Variants in WWP1 observed in about 807,000 individuals in gnomAD.
WWP1 encodes NEDD4-like E3 ubiquitin-protein ligase WWP1.
A neutral mutation model predicts 130.6 loss-of-function variants in WWP1; 49 were observed. That is an observed-to-expected ratio of 0.38 (90% CI 0.30 to 0.48). The LOEUF (loss-of-function observed/expected upper bound fraction) is 0.48. Among genes scored for constraint, WWP1 ranks in the 20% least tolerant of loss-of-function variants. The pLI, the probability that WWP1 is intolerant of heterozygous loss-of-function variation, is 0.99. For synonymous variants in WWP1, 332 were observed against 367.8 expected (o/e 0.90, Z 1.11); for missense variants, 809 against 1,100.6 (o/e 0.74, Z 3.75).
intron 17 of WWP1, among the ~76,000 whole-genome samples, chr8:86,439,382 G>A (rs1810476973): frequency 6.7e-6 from 1 of 148,452 alleles, no homozygotes; most frequent in South Asian, 2.2e-4. Context: ...TTGTAGAAAT[G>A]AGGGTCTCAC....
chr8:86,360,745 T>A (rs951879702), intron 1 of WWP1, among the ~76,000 whole-genome samples: 2 of 151,982 alleles, frequency 1.3e-5, no homozygotes, highest in Non-Finnish European at 2.9e-5. Flanking sequence ...CCTTGCAGAG[T>A]TGGGGGTATG....
At chr8:86,430,640 A>G (rs778555453) in intron 11 of WWP1, 57 bp from the exon 12 acceptor site, 1 of 1,407,088 alleles carries the variant, frequency 7.1e-7, no homozygotes, top group Non-Finnish European at 9.7e-7. Flanking sequence ...GCTTATTTCT[A>G]CTTTCATATT....
At chr8:86,389,525 G>A (rs561018965) in intron 5 of WWP1, among the ~76,000 whole-genome samples, 1 of 152,338 alleles carries the variant, frequency 6.6e-6, no homozygotes, top group East Asian at 1.9e-4. Flanking sequence ...TCTTAGTACA[G>A]AACAAAATGG....
intron 3 of WWP1, among the ~76,000 whole-genome samples, chr8:86,378,599 C>T (rs1179550774): frequency 1.3e-5 from 2 of 152,094 alleles, no homozygotes; most frequent in Non-Finnish European, 2.9e-5. Flanking sequence ...CTAACTAGAA[C>T]AACTTTTTGA....
chr8:86,432,383 A>G (rs1200078874), intron 14 of WWP1, among the ~76,000 whole-genome samples: 2 of 151,980 alleles, frequency 1.3e-5, no homozygotes, highest in Non-Finnish European at 2.9e-5. Flanking sequence ...ATGAACTGTC[A>G]TTGTTATTAT....
In WWP1 at chr8:86,425,328, C is replaced by T. The variant is rs1429993413; in HGVS notation, c.1157+10C>T. 1 of 1,588,734 alleles carries T rather than the reference C, an allele frequency of 6.3e-7. No individual in the cohort carries two copies. Among genetic ancestry groups the T allele is most frequent in the South Asian group, 1.1e-5 (1 of 88,026 alleles). On this transcript the variant is annotated intron_variant, in intron 10 of 24. Coordinates refer to ENST00000517970, the MANE Select transcript of WWP1 (RefSeq NM_007013.4). ...AACCTTTACCTCCAGGGTAATATAG[C>T]ACTCTTTATGCATTTGTAATTATAT...
intron 24 of WWP1, among the ~76,000 whole-genome samples, chr8:86,463,917 C>G (rs896181961): frequency 4.0e-5 from 6 of 151,756 alleles, no homozygotes; most frequent in Non-Finnish European, 8.8e-5. Flanking sequence ...AAAAATTAGC[C>G]GGGTGTGGTG....
intron 1 of WWP1, among the ~76,000 whole-genome samples, chr8:86,347,954 G>T (rs1165609067): frequency 2.0e-5 from 3 of 151,918 alleles, no homozygotes; most frequent in Non-Finnish European, 2.9e-5. Flanking sequence ...TTCAGATTTT[G>T]GATATTTGGA....
chr8:86,430,668 T>C, intron 11 of WWP1, 29 bp from the exon 12 acceptor site: 1 of 1,568,094 alleles, frequency 6.4e-7, no homozygotes, highest in Non-Finnish European at 8.7e-7. Context: ...TGTTATTTTA[T>C]TTCTCTCCCT....
chr8:86,386,896 G>T (rs1825316817), intron 5 of WWP1: 4 of 152,230 alleles, frequency 2.6e-5, no homozygotes, highest in Admixed American at 1.3e-4. Flanking sequence ...AGAGGATCCA[G>T]TTCCTGTTTC....
intron 5 of WWP1, among the ~76,000 whole-genome samples, chr8:86,395,515 C>T (rs998990533): frequency 2.6e-5 from 4 of 152,162 alleles, no homozygotes; most frequent in South Asian, 2.1e-4. Flanking sequence ...AAAGTCATGC[C>T]TGGTGACCAG....
In WWP1 at chr8:86,468,443, AT is replaced by A. The variant is rs1563564056; in HGVS notation, c.*1552del. 2.3e-6 allele frequency: 1 copy of A among 438,222 alleles called. No individual in the cohort carries two copies. The highest frequency in any genetic ancestry group is 2.7e-5 in the Admixed American group (1 of 37,392). 27.1% of individuals were successfully genotyped at this position (438,222 alleles called of 1,614,324 possible). On this transcript the variant is annotated 3_prime_UTR_variant, in exon 25 of 25. Transcript: ENST00000517970. ...TCAAGCCTAAAGAATTAAAAAAAAA[AT>A]TCTAATGTATGTGACAGGTTATGTG...
intron 9 of WWP1, among the ~76,000 whole-genome samples, chr8:86,424,681 T>C (rs924035584): frequency 2.6e-5 from 4 of 151,554 alleles, no homozygotes; most frequent in African/African-American, 7.3e-5. Flanking sequence ...GGCGCACGAC[T>C]GCAATCGCAG....
At chr8:86,390,704 A>G (rs1372736463) in intron 5 of WWP1, among the ~76,000 whole-genome samples, 2 of 131,162 alleles carry the variant, frequency 1.5e-5, no homozygotes, top group African/African-American at 2.9e-5. Flanking sequence ...GACGAGAGGG[A>G]GACGGGAGAG....
chr8:86,398,212 C>T lies in WWP1; in HGVS notation c.335-130C>T, dbSNP rs377540932. ...AAAGAGGAATTACTTAACTAGTTGT[C>T]AAAGGCATGCAAAGAATTCCTTCCA... On this transcript the variant is annotated intron_variant, in intron 5 of 24. Coordinates refer to ENST00000517970, the MANE Select transcript of WWP1 (RefSeq NM_007013.4). The T allele has an allele frequency of 3.9e-6, 4 of 1,023,958 alleles. No homozygotes were observed. In the African/African-American group the frequency reaches 6.4e-5, roughly 16 times the overall value. The allele number at this position is 1,023,958 out of a possible 1,614,324, so 63.4% of individuals were successfully genotyped here. A position where few individuals can be genotyped will look rare whatever the true frequency, so the allele number is the denominator to read the frequency against.
intron 8 of WWP1, among the ~76,000 whole-genome samples, chr8:86,407,878 C>T (rs1808365137): frequency 6.6e-6 from 1 of 151,916 alleles, no homozygotes. Flanking sequence ...ATTAATGAAC[C>T]ATTAATAATA....
chr8:86,447,816 A>G (rs1810966874), intron 18 of WWP1, among the ~76,000 whole-genome samples: 1 of 152,170 alleles, frequency 6.6e-6, no homozygotes, highest in Non-Finnish European at 1.5e-5. Flanking sequence ...TTTCAGGTGC[A>G]CAGGGCCCTT....
rs776815392 is a variant in WWP1 at position 86,438,639 on chromosome 8, G to A, written c.1804G>A (p.Gly602Arg). Residue 602 changes from glycine to arginine, a missense_variant, in exon 17 of 25, where the codon GGA (glycine) becomes AGA (arginine). Physicochemically the swap from Gly to Arg is moderately radical, Grantham distance 125. This residue lies in a region of WWP1 where 450 missense variants were observed against 674.2 expected (regional missense o/e 0.67). Transcript: ENST00000517970. ...GAGGCGCTTATATGTAATATTTAGA[G>A]GAGAAGAAGGACTTGATTATGGTGG... ...LRRRLYVIFR[G>R]EEGLDYGGLA... 2.5e-6 allele frequency: 4 copies of A among 1,608,174 alleles called. No individual in the cohort carries two copies. The South Asian group carries it at 4.5e-5, about 18-fold the overall frequency.
chr8:86,375,087 A>G (rs1347270682), intron 3 of WWP1, among the ~76,000 whole-genome samples: 1 of 152,166 alleles, frequency 6.6e-6, no homozygotes, highest in East Asian at 1.9e-4. Context: ...TCAAAATAAC[A>G]TGAAAATTAC....
Sources: allele counts gnomAD v4.1 joint callset (sites outside exome capture counted in the v4.1 genomes callset), GRCh38; gene constraint gnomAD v4.1.1; regional missense constraint gnomAD v4.1.1; transcripts MANE v1.5; gene names NCBI Gene and HGNC (gene_info 2026-07-23, HGNC 2026-07-21).